The following SGCZ variants were observed in gnomAD, a reference collection of about 807,000 sequenced individuals.
SGCZ encodes sarcoglycan zeta.
Under a neutral mutation model 41.3 loss-of-function variants are expected in SGCZ, and 40 were observed. The ratio of observed to expected loss-of-function variants is 0.97; its 90% CI spans 0.75 to 1.26. SGCZ has a LOEUF of 1.26. SGCZ is among the 50% of genes most tolerant of loss of function. The probability of loss-of-function intolerance (pLI) is 0.00; values close to 1 mark genes in which losing one functional copy is unlikely to be tolerated. For missense variants in SGCZ, 552 were observed against 369.8 expected, an observed-to-expected ratio of 1.49 and a Z score of -4.04; for synonymous variants, 206 against 137.5, an observed-to-expected ratio of 1.50 and a Z score of -3.49.
intron 1 of SGCZ, among the ~76,000 whole-genome samples, chr8:14,643,967 TTGTACAATTC>T (rs144287020): frequency 0.12 from 16,263 of 130,620 alleles, 1,049 homozygotes; most frequent in African/African-American, 0.2. Context: ...AGACCAATAC[TTGTACAATTC>T]TGTACAATTC....
intron 1 of SGCZ, among the ~76,000 whole-genome samples, chr8:14,592,102 T>C (rs1805259908): frequency 6.6e-6 from 1 of 152,082 alleles, no homozygotes; most frequent in African/African-American, 2.4e-5. Flanking sequence ...GCCAGGAAAA[T>C]TTTGCTTTTC....
rs1012618588 is a variant in SGCZ at position 14,182,990 on chromosome 8, A to G, written c.425-18288T>C. On this transcript the variant is annotated intron_variant, in intron 4 of 7. Coordinates refer to ENST00000382080, the MANE Select transcript of SGCZ (RefSeq NM_139167.4). ...GTGCCATTGCACTCCAGCCTGGGCAACAAAGAGCAAAACTCCGTCTCAAAA... is the reference window on the plus strand; with the variant it reads ...GTGCCATTGCACTCCAGCCTGGGCAGCAAAGAGCAAAACTCCGTCTCAAAA... Among the ~76,000 whole-genome samples the G allele has an allele frequency of 4.1e-5, 6 of 146,574 alleles. No individual in the cohort carries two copies. In the East Asian group the frequency reaches 1.2e-3, roughly 30 times the overall value.
chr8:14,861,869 A>G (rs1335067823), intron 1 of SGCZ, among the ~76,000 whole-genome samples: 1 of 152,128 alleles, frequency 6.6e-6, no homozygotes, highest in Non-Finnish European at 1.5e-5. Flanking sequence ...TTAATTAAAG[A>G]GTTCCTTTCT....
chr8:15,037,162 T>G (rs894679728), intron 1 of SGCZ, among the ~76,000 whole-genome samples: 2 of 152,268 alleles, frequency 1.3e-5, no homozygotes, highest in Middle Eastern at 3.4e-3. Flanking sequence ...TCATGAATTG[T>G]AGTCTCCATG....
At chr8:14,744,109 A>C (rs2130290643) in intron 1 of SGCZ, among the ~76,000 whole-genome samples, 1 of 139,214 alleles carries the variant, frequency 7.2e-6, no homozygotes, top group African/African-American at 3.0e-5. Context: ...AGGCTTCTCA[A>C]AAAATTTAAA....
chr8:14,303,757 A>G (rs566762841), intron 3 of SGCZ, among the ~76,000 whole-genome samples: 1 of 152,152 alleles, frequency 6.6e-6, no homozygotes, highest in African/African-American at 2.4e-5. Context: ...TCAAATATCT[A>G]TCTACATACA....
chr8:14,261,719 C>G (rs1301720983), intron 3 of SGCZ, among the ~76,000 whole-genome samples: 1 of 152,144 alleles, frequency 6.6e-6, no homozygotes, highest in Non-Finnish European at 1.5e-5. Context: ...TCAAACCATT[C>G]TCACGCTGAA....
intron 1 of SGCZ, among the ~76,000 whole-genome samples, chr8:14,801,554 A>G (rs1801321626): frequency 6.6e-6 from 1 of 152,216 alleles, no homozygotes; most frequent in Non-Finnish European, 1.5e-5. Flanking sequence ...TTCCAGGGAA[A>G]GAACAGATCG....
chr8:14,552,671 C>T (rs953938998), intron 2 of SGCZ, among the ~76,000 whole-genome samples: 10 of 151,966 alleles, frequency 6.6e-5, no homozygotes, highest in Non-Finnish European at 1.0e-4. Flanking sequence ...ACCCTGAGGC[C>T]CATGAGGATC....
intron 1 of SGCZ, among the ~76,000 whole-genome samples, chr8:14,870,192 C>A (rs1406573267): frequency 6.6e-6 from 1 of 152,086 alleles, no homozygotes; most frequent in African/African-American, 2.4e-5. Context: ...GCTATGGTAA[C>A]CAAAACAGTA....
At chr8:14,346,540 G>C (rs986004197) in intron 2 of SGCZ, among the ~76,000 whole-genome samples, 9 of 151,960 alleles carry the variant, frequency 5.9e-5, no homozygotes, top group African/African-American at 2.2e-4. Context: ...GTTACATAGT[G>C]CATTTTGTTA....
chr8:14,372,819 T>C (rs903753896), intron 2 of SGCZ, among the ~76,000 whole-genome samples: 1 of 151,870 alleles, frequency 6.6e-6, no homozygotes, highest in Non-Finnish European at 1.5e-5. Context: ...GAGAAACAAA[T>C]GAGACCCGTG....
At position 15,180,017 on chromosome 8, in the gene SGCZ, A is replaced by G. The variant is rs543305498; in HGVS notation, c.39+57568T>C. ...TTAGTAGGCTGACTATTATATGCAC[A>G]TTTTTACTATGTGTTATAAAAAAAA... On this transcript the variant is annotated intron_variant, in intron 1 of 7. Transcript: ENST00000382080. Among the ~76,000 whole-genome samples, 25 of 152,300 alleles carry G rather than the reference A, an allele frequency of 1.6e-4. No individual in the cohort carries two copies. In the East Asian group the frequency reaches 4.4e-3, roughly 27 times the overall value.
chr8:14,504,391 A>G (rs184715975), intron 2 of SGCZ, among the ~76,000 whole-genome samples: 21 of 152,364 alleles, frequency 1.4e-4, no homozygotes, highest in Admixed American at 2.6e-4. Flanking sequence ...GGAAACCTTC[A>G]TAAAACCACA....
chr8:14,269,634 G>C (rs1799996273), intron 3 of SGCZ, among the ~76,000 whole-genome samples: 1 of 152,102 alleles, frequency 6.6e-6, no homozygotes, highest in Non-Finnish European at 1.5e-5. Context: ...CTCCATGTCA[G>C]ATAAATTTCT....
intron 1 of SGCZ, among the ~76,000 whole-genome samples, chr8:14,571,857 C>T (rs1364688979): frequency 6.6e-6 from 1 of 152,118 alleles, no homozygotes; most frequent in African/African-American, 2.4e-5. Flanking sequence ...CTGAGACTAA[C>T]TAAAGTACCA....
At chr8:15,011,051 T>G (rs901530516) in intron 1 of SGCZ, among the ~76,000 whole-genome samples, 8 of 152,196 alleles carry the variant, frequency 5.3e-5, no homozygotes. Context: ...TTTTGCAATT[T>G]TTTCTTTAAA....
At chr8:14,624,207 T>C (rs918589751) in intron 1 of SGCZ, among the ~76,000 whole-genome samples, 1 of 152,164 alleles carries the variant, frequency 6.6e-6, no homozygotes, top group Non-Finnish European at 1.5e-5. Context: ...TAATAGCTTA[T>C]CATATAAGAT....
At chr8:14,815,607 C>A (rs1333740430) in intron 1 of SGCZ, among the ~76,000 whole-genome samples, 1 of 152,174 alleles carries the variant, frequency 6.6e-6, no homozygotes, top group Non-Finnish European at 1.5e-5. Flanking sequence ...TAGTACCACA[C>A]AGAGTATGTA....
Sources: allele counts gnomAD v4.1 joint callset (sites outside exome capture counted in the v4.1 genomes callset), GRCh38; gene constraint gnomAD v4.1.1; transcripts MANE v1.5; gene names NCBI Gene and HGNC (gene_info 2026-07-23, HGNC 2026-07-21).